The following CNBD1 variants were observed in gnomAD, a reference collection of about 807,000 sequenced individuals.
CNBD1 encodes cyclic nucleotide binding domain containing 1, also known as cyclic nucleotide-binding domain-containing protein 1.
Under a neutral mutation model 54.4 loss-of-function variants are expected in CNBD1, and 71 were observed. The observed-to-expected ratio is 1.30, with a 90% CI of 1.08 to 1.59. CNBD1 has a LOEUF of 1.59. CNBD1 is among the 40% of genes most tolerant of loss of function. CNBD1 has a pLI of 0.00. For missense variants in CNBD1, 659 were observed against 518.0 expected (o/e 1.27, Z -2.64); for synonymous variants, 182 against 170.7 (o/e 1.07, Z -0.51).
chr8:86,940,172 C>G (rs1269247044), intron 4 of CNBD1, among the ~76,000 whole-genome samples: 1 of 98,282 alleles, frequency 1.0e-5, no homozygotes. Context: ...CTCTTGTGCC[C>G]CAGGCTGGAG....
At chr8:87,363,379 G>A (rs933081884) in intron 10 of CNBD1, among the ~76,000 whole-genome samples, 2 of 152,000 alleles carry the variant, frequency 1.3e-5, no homozygotes, top group Non-Finnish European at 2.9e-5. Flanking sequence ...GGGATTGCTG[G>A]GTCAAATGAT....
intron 4 of CNBD1, among the ~76,000 whole-genome samples, chr8:87,122,502 G>A (rs1339679391): frequency 6.6e-6 from 1 of 151,810 alleles, no homozygotes; most frequent in Non-Finnish European, 1.5e-5. Flanking sequence ...TCTTCAGTCT[G>A]TTAATTATTT....
At chr8:86,990,473 G>T (rs889762322) in intron 4 of CNBD1, among the ~76,000 whole-genome samples, 2 of 151,940 alleles carry the variant, frequency 1.3e-5, no homozygotes, top group Non-Finnish European at 1.5e-5. Flanking sequence ...TATGTTTTTG[G>T]CATCTTTATA....
intron 1 of CNBD1, among the ~76,000 whole-genome samples, chr8:86,881,911 T>C (rs1255476975): frequency 1.3e-5 from 2 of 151,952 alleles, no homozygotes; most frequent in Non-Finnish European, 2.9e-5. Context: ...AAATAGGTAA[T>C]GGGAAAAAGA....
intron 8 of CNBD1, among the ~76,000 whole-genome samples, chr8:87,294,737 C>G (rs1010841815): frequency 2.6e-5 from 4 of 152,170 alleles, no homozygotes; most frequent in African/African-American, 9.7e-5. Flanking sequence ...ACTTTGACTA[C>G]TGCCATCTGC....
chr8:87,333,914 A>C (rs751633156), intron 8 of CNBD1, among the ~76,000 whole-genome samples: 47 of 152,200 alleles, frequency 3.1e-4, no homozygotes, highest in Middle Eastern at 3.4e-3. Flanking sequence ...CCTCCTTTTC[A>C]ATAGTTTGAA....
At chr8:86,978,870 T>C (rs1490066996) in intron 4 of CNBD1, among the ~76,000 whole-genome samples, 3 of 152,068 alleles carry the variant, frequency 2.0e-5, no homozygotes, top group Non-Finnish European at 4.4e-5. Context: ...ATTATAACAC[T>C]CAATGTAGCA....
At chr8:87,347,068 A>C (rs1810190035) in intron 8 of CNBD1, among the ~76,000 whole-genome samples, 1 of 152,114 alleles carries the variant, frequency 6.6e-6, no homozygotes, top group Admixed American at 6.6e-5. Context: ...CTTATGTAGG[A>C]GGATTTCCAC....
At chr8:87,106,928 C>G (rs1811551565) in intron 4 of CNBD1, among the ~76,000 whole-genome samples, 1 of 151,996 alleles carries the variant, frequency 6.6e-6, no homozygotes, top group African/African-American at 2.4e-5. Context: ...CTCCCAAGTT[C>G]AAGCAGTTCT....
chr8:87,343,797 C>T (rs1440195177), intron 8 of CNBD1, among the ~76,000 whole-genome samples: 1 of 151,950 alleles, frequency 6.6e-6, no homozygotes, highest in African/African-American at 2.4e-5. Flanking sequence ...CTTTTGATTA[C>T]CATTTACATT....
intron 4 of CNBD1, among the ~76,000 whole-genome samples, chr8:87,066,773 AAT>A (rs1184208825): frequency 1.3e-5 from 2 of 151,944 alleles, no homozygotes; most frequent in East Asian, 1.9e-4. Flanking sequence ...TTTGAAAACT[AAT>A]AGTTTCAAAA....
chr8:87,428,547 A>C (rs1808089128), exon 3 of CNBD1: 1 of 451,518 alleles, frequency 2.2e-6, no homozygotes, highest in African/African-American at 2.0e-5. Flanking sequence ...TTCATCTAGA[A>C]TTAGACCCAG....
rs183018029 is a variant in CNBD1, at chr8:87,151,285, T to A, written c.432-54708T>A. ...TCATTCATCTGACAAATACCAAGTA[T>A]CTACAATCTACCAGATACTGTTCTA... On this transcript the variant is annotated intron_variant, in intron 4 of 10. Transcript: ENST00000518476. Among the ~76,000 whole-genome samples, 507 of 152,268 alleles carry A rather than the reference T, an allele frequency of 3.3e-3. 4 individuals carry two copies. Among genetic ancestry groups the A allele is most frequent in the African/African-American group, 0.012 (489 of 41,546 alleles).
intron 4 of CNBD1, among the ~76,000 whole-genome samples, chr8:87,093,858 T>C (rs1421882779): frequency 6.6e-6 from 1 of 152,182 alleles, no homozygotes. Context: ...TCTCTACTTT[T>C]CTAAGGATTA....
chr8:87,358,155 C>T (rs1025890047), intron 10 of CNBD1, among the ~76,000 whole-genome samples: 9 of 152,130 alleles, frequency 5.9e-5, no homozygotes, highest in African/African-American at 2.2e-4. Flanking sequence ...AAACCTCTTT[C>T]CTTTATAGAT....
chr8:87,189,601 T>G (rs1451927403), intron 4 of CNBD1, among the ~76,000 whole-genome samples: 2 of 152,190 alleles, frequency 1.3e-5, no homozygotes, highest in Non-Finnish European at 2.9e-5. Flanking sequence ...TAAGAGGTTT[T>G]TTAAGCTTGA....
intron 3 of CNBD1, among the ~76,000 whole-genome samples, chr8:86,927,690 C>A (rs932340562): frequency 3.9e-5 from 6 of 152,082 alleles, no homozygotes; most frequent in Non-Finnish European, 5.9e-5. Context: ...GGTTAGTATA[C>A]TGCTTAATAA....
At chr8:86,998,097 T>C (rs993717115) in intron 4 of CNBD1, among the ~76,000 whole-genome samples, 4 of 152,132 alleles carry the variant, frequency 2.6e-5, no homozygotes, top group Non-Finnish European at 5.9e-5. Context: ...ACCATTCTGG[T>C]CTACAAAGTC....
intron 8 of CNBD1, among the ~76,000 whole-genome samples, chr8:87,350,075 C>A (rs1470998480): frequency 2.6e-5 from 4 of 152,112 alleles, no homozygotes; most frequent in Non-Finnish European, 4.4e-5. Flanking sequence ...AGCTTCTATG[C>A]CTTTCTTTAT....
Sources: gnomAD v4.1 joint callset for allele counts (sites outside exome capture counted in the v4.1 genomes callset) on GRCh38, gnomAD v4.1.1 for gene constraint, MANE v1.5 for transcripts, NCBI Gene and HGNC (gene_info 2026-07-23, HGNC 2026-07-21) for gene names.